Variants in ERCC6L2 observed in about 807,000 individuals in gnomAD.
ERCC6L2 encodes the protein DNA excision repair protein ERCC-6-like 2.
Under a neutral mutation model 132.0 loss-of-function variants are expected in ERCC6L2, and 77 were observed. That is an observed-to-expected ratio of 0.58 (90% CI 0.49 to 0.71). The LOEUF is 0.71. Among genes scored for constraint, ERCC6L2 ranks in the 30% least tolerant of loss-of-function variants. The probability of loss-of-function intolerance (pLI) is 0.00; values close to 1 mark genes in which losing one functional copy is unlikely to be tolerated. For synonymous variants in ERCC6L2, 583 were observed against 632.4 expected (o/e 0.92, Z 1.17); for missense variants, 1,542 against 1,837.6 (o/e 0.84, Z 2.94).
At chr9:95,919,932 G>A (rs1268010155) in intron 6 of ERCC6L2, among the ~76,000 whole-genome samples, 2 of 152,188 alleles carry the variant, frequency 1.3e-5, no homozygotes, top group Non-Finnish European at 2.9e-5. Flanking sequence ...AGTGCCAGAC[G>A]ATGAGGAACA....
At chr9:95,974,866 T>C (rs1407412208) in intron 16 of ERCC6L2, among the ~76,000 whole-genome samples, 1 of 152,160 alleles carries the variant, frequency 6.6e-6, no homozygotes, top group Non-Finnish European at 1.5e-5. Flanking sequence ...CATATTTGTA[T>C]TGATACTTAA....
intron 17 of ERCC6L2, among the ~76,000 whole-genome samples, chr9:95,996,096 T>C (rs2133174436): frequency 6.6e-6 from 1 of 152,368 alleles, no homozygotes; most frequent in South Asian, 2.1e-4. Context: ...AACAGCCAAG[T>C]TGTGAATGCA....
chr9:95,907,865 C>CAAACA (rs1564212462), intron 4 of ERCC6L2, among the ~76,000 whole-genome samples: 1 of 35,314 alleles, frequency 2.8e-5, no homozygotes, highest in Non-Finnish European at 5.9e-5. Flanking sequence ...ACCCCCACAC[C>CAAACA]CACACACCCA....
intron 12 of ERCC6L2, among the ~76,000 whole-genome samples, chr9:95,947,638 G>A (rs1451254012): frequency 6.6e-6 from 1 of 152,160 alleles, no homozygotes; most frequent in Non-Finnish European, 1.5e-5. Context: ...ATAAAGAGGA[G>A]AGTTAATACC....
intron 11 of ERCC6L2, among the ~76,000 whole-genome samples, chr9:95,940,718 A>G (rs901205053): frequency 1.1e-4 from 16 of 151,194 alleles, no homozygotes; most frequent in African/African-American, 3.2e-4. Flanking sequence ...AGGAACCAGG[A>G]AAAAAAAAGT....
chr9:95,954,890 C>T (rs1411410195), intron 12 of ERCC6L2: 5 of 470,798 alleles, frequency 1.1e-5, no homozygotes, highest in East Asian at 6.9e-5. Flanking sequence ...TCCAAGATGT[C>T]CTCGAGTAAA....
chr9:95,965,744 T>C (rs1832125194), intron 13 of ERCC6L2, among the ~76,000 whole-genome samples: 1 of 152,026 alleles, frequency 6.6e-6, no homozygotes, highest in South Asian at 2.1e-4. Context: ...AAATCAAGTG[T>C]TCCTCCTGCC....
In ERCC6L2 at chr9:95,916,287, A is replaced by G. The variant is rs1341317981; in HGVS notation, c.1011A>G (p.Val337=). ...TYFKKQFSDP[V]EHGQRHTATK... is the part of the protein sequence containing the mutation. The stretch of plus-strand genomic sequence containing the variant: ...TCAAGAAGCAGTTTTCTGACCCAGT[A>G]GAACATGGTCAGAGACACACGGCAA... The change falls in exon 6 of 19, where the codon GTA becomes GTG. Residue 337 remains valine (V), a synonymous_variant. Transcript: ENST00000653738. 1.2e-6 allele frequency: 2 copies of G among 1,614,170 alleles called. No homozygotes were observed. Among genetic ancestry groups the G allele is most frequent in the Non-Finnish European group, 1.7e-6 (2 of 1,180,022 alleles).
At chr9:96,022,801 T>A (rs941868637), downstream of ERCC6L2, among the ~76,000 whole-genome samples, 2 of 152,038 alleles carry the variant, frequency 1.3e-5, no homozygotes, top group Non-Finnish European at 2.9e-5. Flanking sequence ...GATGGAGCAG[T>A]CTCCACACTT....
At chr9:95,960,677 T>A (rs1006407940) in intron 13 of ERCC6L2, among the ~76,000 whole-genome samples, 1 of 152,116 alleles carries the variant, frequency 6.6e-6, no homozygotes, top group Admixed American at 6.6e-5. Context: ...ACACCTTGAT[T>A]TCAGTTTAGT....
chr9:96,022,453 G>A (rs1479080722), downstream of ERCC6L2, among the ~76,000 whole-genome samples: 2 of 152,200 alleles, frequency 1.3e-5, no homozygotes, highest in Non-Finnish European at 2.9e-5. Context: ...ACGCTTCTGG[G>A]CCGGTATTCG....
chr9:96,023,436 C>G (rs1834321773), downstream of ERCC6L2, among the ~76,000 whole-genome samples: 2 of 152,104 alleles, frequency 1.3e-5, no homozygotes, highest in African/African-American at 4.8e-5. Context: ...CAGACTGTTT[C>G]CCCCCTAACT....
intron 11 of ERCC6L2, among the ~76,000 whole-genome samples, chr9:95,936,247 A>G (rs1388388248): frequency 6.6e-6 from 1 of 152,200 alleles, no homozygotes; most frequent in Non-Finnish European, 1.5e-5. Context: ...GAGTGAGTAT[A>G]TGGGTGGTAT....
chr9:95,907,836 C>CACACACACACACACGCACACACACAA (rs1829129501), intron 4 of ERCC6L2, among the ~76,000 whole-genome samples: 1 of 81,130 alleles, frequency 1.2e-5, no homozygotes, highest in African/African-American at 3.8e-5. Context: ...TACACACACA[C>CACACACACACACACGCACACACACAA]ACACACACAC....
intron 1 of ERCC6L2, among the ~76,000 whole-genome samples, chr9:95,879,655 C>T (rs2132506550): frequency 6.6e-6 from 1 of 152,224 alleles, no homozygotes; most frequent in Admixed American, 6.5e-5. Flanking sequence ...GTTTTTCCCT[C>T]TGTACTCATT....
intron 3 of ERCC6L2, chr9:95,906,579 A>G (rs1295388488): frequency 2.0e-5 from 9 of 446,792 alleles, no homozygotes; most frequent in South Asian, 4.8e-5. Context: ...GATTGCTTCA[A>G]TTTTCCAGTG....
intron 17 of ERCC6L2, among the ~76,000 whole-genome samples, chr9:95,994,328 C>T (rs1450848546): frequency 6.6e-6 from 1 of 152,128 alleles, no homozygotes; most frequent in Non-Finnish European, 1.5e-5. Context: ...TCCACTCTAG[C>T]TTCTCAGTGG....
intron 17 of ERCC6L2, among the ~76,000 whole-genome samples, chr9:95,979,545 T>G (rs1832810207): frequency 6.6e-6 from 1 of 151,986 alleles, no homozygotes. Flanking sequence ...TAGTGAAGAG[T>G]CAGTTGTCTT....
rs1001810337 is a variant in ERCC6L2 at position 95,928,216 on chromosome 9, A to G, written c.1605+66A>G. On this transcript the variant is annotated intron_variant, in intron 10 of 18. Transcript: ENST00000653738. ...ACTTTTGAGGCATAAAGAATAAAGC[A>G]TATGCCTACATGACACCTTACAGCC... is the stretch of plus-strand genomic sequence containing the variant. 6.6e-6 allele frequency: 7 copies of G among 1,056,758 alleles called. 1 individual carries two copies. The highest frequency in any genetic ancestry group is 5.8e-6 in the Non-Finnish European group (4 of 684,606). 65.5% of individuals were successfully genotyped at this position (1,056,758 alleles called of 1,614,324 possible).
Sources: allele counts gnomAD v4.1 joint callset (sites outside exome capture counted in the v4.1 genomes callset), GRCh38; gene constraint gnomAD v4.1.1; transcripts MANE v1.5; gene names NCBI Gene and HGNC (gene_info 2026-07-23, HGNC 2026-07-21).